Variants in NUMB observed in about 807,000 individuals in gnomAD.
NUMB encodes NUMB endocytic adaptor protein.
NUMB carries 29 observed loss-of-function variants against 59.7 expected under a neutral mutation model. The observed-to-expected ratio is 0.49, with a 90% confidence interval of 0.36 to 0.66. NUMB has a LOEUF of 0.66. Ranked by LOEUF, NUMB falls within the 30% of genes least tolerant of loss-of-function variation. The pLI, the probability that NUMB is intolerant of heterozygous loss-of-function variation, is 0.00. For missense variants in NUMB, 723 were observed against 822.0 expected, an observed-to-expected ratio of 0.88 and a Z score of 1.47; for synonymous variants, 288 against 288.2, an observed-to-expected ratio of 1.00 and a Z score of 0.01.
chr14:73,383,564 G>A (rs1469043692), intron 2 of NUMB, among the ~76,000 whole-genome samples: 2 of 152,122 alleles, frequency 1.3e-5, no homozygotes, highest in Admixed American at 6.5e-5. Flanking sequence ...TATCAGAAGA[G>A]ATATTCCAAA....
At chr14:73,420,737 T>C (rs1430193568) in intron 1 of NUMB, among the ~76,000 whole-genome samples, 1 of 152,144 alleles carries the variant, frequency 6.6e-6, no homozygotes, top group Admixed American at 6.6e-5. Flanking sequence ...TGAGAATTGC[T>C]TGAATCTGGG....
chr14:73,387,665 G>A (rs575789439), intron 2 of NUMB, among the ~76,000 whole-genome samples: 1 of 151,354 alleles, frequency 6.6e-6, no homozygotes, highest in African/African-American at 2.4e-5. Flanking sequence ...CCTGGGAGGC[G>A]GAGGTTGCAG....
At chr14:73,364,023 T>G (rs1188173002) in intron 3 of NUMB, among the ~76,000 whole-genome samples, 2 of 152,150 alleles carry the variant, frequency 1.3e-5, no homozygotes, top group African/African-American at 2.4e-5. Flanking sequence ...CAGAGTTGGA[T>G]TTCAGCAATT....
At chr14:73,317,319 T>G (rs533405424) in intron 5 of NUMB, among the ~76,000 whole-genome samples, 3 of 152,168 alleles carry the variant, frequency 2.0e-5, no homozygotes, top group Non-Finnish European at 4.4e-5. Flanking sequence ...GTTTGTTTGT[T>G]GAGTCAGAGT....
chr14:73,390,314 T>C (rs1895776975), intron 2 of NUMB, among the ~76,000 whole-genome samples: 1 of 152,228 alleles, frequency 6.6e-6, no homozygotes, highest in Non-Finnish European at 1.5e-5. Flanking sequence ...TATTAGCATA[T>C]TGGAATAGAG....
At chr14:73,429,848 C>G (rs2140166462) in intron 1 of NUMB, among the ~76,000 whole-genome samples, 2 of 150,946 alleles carry the variant, frequency 1.3e-5, no homozygotes, top group East Asian at 3.9e-4. Flanking sequence ...GAGGCTGAGG[C>G]AAGAGAATTG....
intron 1 of NUMB, among the ~76,000 whole-genome samples, chr14:73,434,576 T>C (rs1209117373): frequency 2.0e-5 from 3 of 152,158 alleles, no homozygotes; most frequent in Non-Finnish European, 2.9e-5. Context: ...ATTCAGAAAG[T>C]ACCTCTAGGC....
chr14:73,350,788 C>T (rs1021256807), intron 4 of NUMB, among the ~76,000 whole-genome samples: 5 of 152,030 alleles, frequency 3.3e-5, no homozygotes, highest in African/African-American at 7.2e-5. Flanking sequence ...CTTGGCCTCC[C>T]AAAGTGTTGA....
intron 9 of NUMB, 71 bp from the exon 10 acceptor site, chr14:73,284,445 T>G (rs1178739477): frequency 7.4e-7 from 1 of 1,347,694 alleles, no homozygotes; most frequent in Non-Finnish European, 1.0e-6. Context: ...AGCTGACAAA[T>G]TCGAAAGCCC....
intron 4 of NUMB, among the ~76,000 whole-genome samples, chr14:73,342,339 G>A (rs1258386078): frequency 1.3e-5 from 2 of 152,164 alleles, no homozygotes; most frequent in African/African-American, 4.8e-5. Context: ...TACTACACAT[G>A]GCTGACATTA....
intron 1 of NUMB, among the ~76,000 whole-genome samples, chr14:73,447,433 A>T (rs761866477): frequency 6.6e-6 from 1 of 152,082 alleles, no homozygotes; most frequent in Admixed American, 6.6e-5. Flanking sequence ...GGTTGCCATG[A>T]GCCGAGATCA....
At chr14:73,363,856 C>A (rs1016856109) in intron 3 of NUMB, among the ~76,000 whole-genome samples, 1 of 152,024 alleles carries the variant, frequency 6.6e-6, no homozygotes, top group Non-Finnish European at 1.5e-5. Flanking sequence ...GGCTGACGTG[C>A]GATGAAAACT....
At position 73,275,930 on chromosome 14, in the gene NUMB, A is replaced by G. The variant is rs1428870488; in HGVS notation, c.*648T>C. ...CCTTTGGCAAGATTACTTACAACTC[A>G]TACAACTTCTTAATATCTGAGAACT... On this transcript the variant is annotated 3_prime_UTR_variant, in exon 13 of 13. Transcript: ENST00000555238. The G allele has an allele frequency of 6.5e-6, 1 of 152,812 alleles. No homozygotes were observed. The highest frequency in any genetic ancestry group is 1.9e-4 in the East Asian group (1 of 5,192). 9.5% of individuals were successfully genotyped at this position (152,812 alleles called of 1,614,324 possible).
rs571680959 is a variant in NUMB, at chr14:73,416,285, T to A, written c.-232-6217A>T. Among the ~76,000 whole-genome samples, 3 of 151,838 alleles carry A rather than the reference T, an allele frequency of 2.0e-5. No individual in the cohort carries two copies. In the South Asian group the frequency reaches 6.2e-4, roughly 32 times the overall value. On this transcript the variant is annotated intron_variant, in intron 1 of 12. Coordinates refer to ENST00000555238, the MANE Select transcript of NUMB (RefSeq NM_001005743.2). Reference sequence around the variant, plus strand: ...TACAAAATATGCTTAAGGGAAAAAATTATGTTAGTTGGAAAAACCACAGTA... The same window carrying A: ...TACAAAATATGCTTAAGGGAAAAAAATATGTTAGTTGGAAAAACCACAGTA...
intron 2 of NUMB, among the ~76,000 whole-genome samples, chr14:73,367,326 T>TAC (rs1233678188): frequency 1.9e-3 from 165 of 85,826 alleles, no homozygotes; most frequent in African/African-American, 8.7e-3. Flanking sequence ...CACACACATA[T>TAC]ATACATATAT....
chr14:73,276,545 G>A lies in NUMB; in HGVS notation c.*33C>T, dbSNP rs746185165. 3 of 1,547,432 alleles carry A rather than the reference G, an allele frequency of 1.9e-6. No homozygotes were observed. In the East Asian group the frequency reaches 6.8e-5, roughly 35 times the overall value. On this transcript the variant is annotated 3_prime_UTR_variant, in exon 13 of 13. Coordinates refer to ENST00000555238, the MANE Select transcript of NUMB (RefSeq NM_001005743.2). The stretch of plus-strand genomic sequence containing the variant: ...GACCGCTACCCCCTGCTCCCTGTCT[G>A]GTATGGACAAGATACATAGCCATAA...
chr14:73,412,515 T>C, intron 1 of NUMB, among the ~76,000 whole-genome samples: 1 of 150,716 alleles, frequency 6.6e-6, no homozygotes, highest in East Asian at 2.0e-4. Flanking sequence ...TAATCCCAGC[T>C]ACTCGGGAGG....
chr14:73,423,716 A>C (rs1897456764), intron 1 of NUMB, among the ~76,000 whole-genome samples: 1 of 152,116 alleles, frequency 6.6e-6, no homozygotes, highest in Admixed American at 6.6e-5. Context: ...AGGCTAAGGC[A>C]GGAGAATGGC....
intron 1 of NUMB, among the ~76,000 whole-genome samples, chr14:73,420,685 T>C (rs1897315378): frequency 3.3e-5 from 5 of 152,090 alleles, no homozygotes; most frequent in Admixed American, 1.3e-4. Context: ...CCAGGTGTCA[T>C]GGCACACGTC....
Sources: gnomAD v4.1 joint callset for allele counts (sites outside exome capture counted in the v4.1 genomes callset) on GRCh38, gnomAD v4.1.1 for gene constraint, MANE v1.5 for transcripts, NCBI Gene and HGNC (gene_info 2026-07-23, HGNC 2026-07-21) for gene names.